MAP4: variants seen among roughly 807,000 people sequenced by gnomAD.
MAP4 encodes the protein microtubule-associated protein 4.
MAP4 carries 76 observed loss-of-function variants against 170.2 expected under a neutral mutation model. The observed-to-expected ratio is 0.45, with a 90% CI of 0.37 to 0.54. The LOEUF is 0.54. Among genes scored for constraint, MAP4 ranks in the 20% least tolerant of loss-of-function variants. MAP4 has a pLI of 0.00. For missense variants in MAP4, 2,506 were observed against 2,748.0 expected, an observed-to-expected ratio of 0.91 and a Z score of 1.97; for synonymous variants, 909 against 994.5, an observed-to-expected ratio of 0.91 and a Z score of 1.62.
At chr3:47,896,593 T>C (rs1203087455) in intron 10 of MAP4, among the ~76,000 whole-genome samples, 1 of 152,114 alleles carries the variant, frequency 6.6e-6, no homozygotes, top group Non-Finnish European at 1.5e-5. Context: ...TAGGTTTTCC[T>C]ACTCCCTATA....
rs373366387 is a variant in MAP4, at chr3:47,920,400, C to T, written c.529+1365G>A. Among the ~76,000 whole-genome samples, 4 of 152,014 alleles carry T rather than the reference C, an allele frequency of 2.6e-5. No individual in the cohort carries two copies. In the East Asian group the frequency reaches 7.8e-4, roughly 30 times the overall value. Reference sequence around the variant, plus strand: ...GGGATTACAGGCATGAGCCATTAGGCCCAGCCTAATTTTTGTATTTTTAGT... The same window carrying T: ...GGGATTACAGGCATGAGCCATTAGGTCCAGCCTAATTTTTGTATTTTTAGT... On this transcript the variant is annotated intron_variant, in intron 5 of 20. Coordinates refer to ENST00000683076, the MANE Select transcript of MAP4 (RefSeq NM_001385682.1).
intron 17 of MAP4, among the ~76,000 whole-genome samples, chr3:47,863,995 T>C (rs2074707255): frequency 6.7e-6 from 1 of 149,404 alleles, no homozygotes; most frequent in South Asian, 2.1e-4. Flanking sequence ...TCCTCCCTTT[T>C]TTTTCAGTGT....
In MAP4 at chr3:48,056,923, C is replaced by T. The variant is rs1415737273; in HGVS notation, c.-20+31850G>A. ...CCTCTGCCCGGCCAGCCGCCCCGTC[C>T]GGGAGGGAGGTGGGGGGTTCAGCCC... is the stretch of plus-strand genomic sequence containing the variant. On this transcript the variant is annotated intron_variant, in intron 1 of 18. Transcript: ENST00000360240. Among the ~76,000 whole-genome samples, 15 of 132,660 alleles carry T rather than the reference C, an allele frequency of 1.1e-4. 1 individual carries two copies. The highest frequency in any genetic ancestry group is 8.6e-4 in the Admixed American group (12 of 14,028). The allele number at this position is 132,660 out of a possible 152,430, so 87.0% of individuals were successfully genotyped here. A position where few individuals can be genotyped will look rare whatever the true frequency, so the allele number is the denominator to read the frequency against.
At chr3:47,908,520 C>G (rs2100034338) in intron 9 of MAP4, among the ~76,000 whole-genome samples, 1 of 152,124 alleles carries the variant, frequency 6.6e-6, no homozygotes, top group Admixed American at 6.5e-5. Flanking sequence ...TTTGAGGCCA[C>G]CATTTCCTCA....
At chr3:48,074,676 TTGTGTG>T (rs555691222) in intron 1 of MAP4, among the ~76,000 whole-genome samples, 2,693 of 90,454 alleles carry the variant, frequency 0.03, 101 homozygotes, top group Admixed American at 0.12. Flanking sequence ...ATCCAGCTAA[TTGTGTG>T]TGTGTGTGTG....
At position 48,061,801 on chromosome 3, in the gene MAP4, G is replaced by GCCCCCACCCGC. The variant is rs2100135605; in HGVS notation, c.-20+26971_-20+26972insGCGGGTGGGGG. ...CCGTCCGGGAGGGAGGTGGGGGGCA[G>GCCCCCACCCGC]CCCCCACCCGGCCAGCCGCCCCATC... On this transcript the variant is annotated intron_variant, in intron 1 of 18. Coordinates refer to the MAP4 transcript ENST00000360240. Among the ~76,000 whole-genome samples the GCCCCCACCCGC allele has an allele frequency of 8.7e-5, 13 of 149,488 alleles. No homozygotes were observed. In the South Asian group the frequency reaches 2.6e-3, roughly 29 times the overall value.
At chr3:48,070,178 T>C (rs915964453) in intron 1 of MAP4, among the ~76,000 whole-genome samples, 1 of 151,806 alleles carries the variant, frequency 6.6e-6, no homozygotes, top group African/African-American at 2.4e-5. Context: ...GGTCTTGCTA[T>C]GTTGGCCAGG....
intron 1 of MAP4, among the ~76,000 whole-genome samples, chr3:48,046,541 G>A (rs975754300): frequency 2.0e-5 from 3 of 152,126 alleles, no homozygotes; most frequent in African/African-American, 7.2e-5. Flanking sequence ...TGTGTATGTG[G>A]ACCCTTGATG....
chr3:47,915,862 G>A (rs1577525758), intron 7 of MAP4, 89 bp downstream of exon 7: 1 of 1,434,352 alleles, frequency 7.0e-7, no homozygotes, highest in Non-Finnish European at 9.4e-7. Flanking sequence ...GTGACTGTCT[G>A]TACTTTACCT....
At chr3:47,892,136 C>T in intron 10 of MAP4, 1 of 1,536,100 alleles carries the variant, frequency 6.5e-7, no homozygotes, top group Non-Finnish European at 8.7e-7. Context: ...TACCGAGTTC[C>T]CCTCCAAGGG....
chr3:48,071,054 A>T (rs1000285472), intron 1 of MAP4, among the ~76,000 whole-genome samples: 1 of 151,930 alleles, frequency 6.6e-6, no homozygotes, highest in Non-Finnish European at 1.5e-5. Context: ...AGTAAAAAGG[A>T]ACTACCCCTT....
chr3:47,910,014 G>T lies in MAP4; in HGVS notation c.4407C>A (p.Ala1469=), dbSNP rs752055203. The T allele has an allele frequency of 6.2e-7, 1 of 1,613,976 alleles. No individual in the cohort carries two copies. Among genetic ancestry groups the T allele is most frequent in the Non-Finnish European group, 8.5e-7 (1 of 1,179,894 alleles). ...DTLAKNGQEI[A]PAQISKSLMV... ...TTAATGATTTGGAAATCTGGGCTGG[G>T]GCTATCTCTTGCCCATTTTTTGCCA... is the stretch of plus-strand genomic sequence containing the variant. Residue 1469 remains alanine, a synonymous_variant, in exon 9 of 21, where the codon GCC becomes GCA. Transcript: ENST00000683076.
At chr3:47,861,949 C>T (rs1358959619) in intron 17 of MAP4, among the ~76,000 whole-genome samples, 1 of 151,822 alleles carries the variant, frequency 6.6e-6, no homozygotes, top group Non-Finnish European at 1.5e-5. Flanking sequence ...ATCACAAGGT[C>T]AGGAGATCGA....
At chr3:48,055,221 T>C (rs998418060) in intron 1 of MAP4, among the ~76,000 whole-genome samples, 9 of 149,976 alleles carry the variant, frequency 6.0e-5, no homozygotes, top group African/African-American at 2.2e-4. Context: ...CGTCTCCGTC[T>C]CCGTCTCCGT....
chr3:47,910,415 C>A lies in MAP4; in HGVS notation c.4006G>T (p.Val1336Phe). The part of the protein sequence containing the change: ...CQEQIQGAGF[V>F]PSVVSEENKT... The stretch of plus-strand genomic sequence containing the variant: ...TTCTCCTCAGATACTACTGAAGGAA[C>A]AAATCCTGCCCCCTGGATTTGCTCT... Residue 1336 changes from valine to phenylalanine, a missense_variant, in exon 9 of 21, where the codon GTT (valine) becomes TTT (phenylalanine). Physicochemically the swap from Val to Phe is conservative, Grantham distance 50. Around this residue, in one of 3 missense-constraint regions of MAP4, gnomAD observed 2,008 missense variants for 2,206.0 expected, o/e 0.91. Transcript: ENST00000683076. 2 of 1,536,428 alleles carry A rather than the reference C, an allele frequency of 1.3e-6. No individual in the cohort carries two copies. The highest frequency in any genetic ancestry group is 1.7e-4 in the Middle Eastern group (1 of 5,990).
chr3:47,885,572 T>C (rs2097442466), intron 10 of MAP4, among the ~76,000 whole-genome samples: 1 of 152,194 alleles, frequency 6.6e-6, no homozygotes, highest in Non-Finnish European at 1.5e-5. Context: ...GATACCATCT[T>C]GTCTTGGTAG....
At position 47,910,153 on chromosome 3, in the gene MAP4, G is replaced by A; in HGVS notation, c.4268C>T (p.Ser1423Leu). The A allele has an allele frequency of 6.2e-7, 1 of 1,613,980 alleles. No individual in the cohort carries two copies. The change falls in exon 9 of 21, where the codon TCA becomes TTA. Residue 1423 changes from serine to leucine, a missense_variant. Ser to Leu is a moderately radical substitution (Grantham distance 145). Around this residue, in one of 3 missense-constraint regions of MAP4, gnomAD observed 2,008 missense variants for 2,206.0 expected, o/e 0.91. Transcript: ENST00000683076. The part of the protein sequence containing the change: ...NITFTCPRTP[S>L]ELINKSSPLE... ...AGGAGATGATTTATTTATCAGCTCT[G>A]ATGGTGTTCTGGGACAGGTAAATGT...
intron 3 of MAP4, 105 bp from the exon 4 acceptor site, chr3:47,928,455 C>T: frequency 3.4e-6 from 4 of 1,169,636 alleles, no homozygotes. Flanking sequence ...ATAAAAAATC[C>T]TATCTAGCTA....
At chr3:48,046,297 G>A (rs1205442050) in intron 1 of MAP4, among the ~76,000 whole-genome samples, 1 of 152,126 alleles carries the variant, frequency 6.6e-6, no homozygotes, top group African/African-American at 2.4e-5. Flanking sequence ...GCTTTGCACA[G>A]TTGTTACTTA....
Sources: allele counts gnomAD v4.1 joint callset (sites outside exome capture counted in the v4.1 genomes callset), GRCh38; gene constraint gnomAD v4.1.1; regional missense constraint gnomAD v4.1.1; transcripts MANE v1.5; gene names NCBI Gene and HGNC (gene_info 2026-07-23, HGNC 2026-07-21).